PLXNA4: variants seen among roughly 807,000 people sequenced by gnomAD.
PLXNA4 encodes plexin A4.
A neutral mutation model predicts 191.8 loss-of-function variants in PLXNA4; 44 were observed. The ratio of observed to expected loss-of-function variants is 0.23; its 90% CI spans 0.18 to 0.29. The LOEUF (loss-of-function observed/expected upper bound fraction) is 0.29. Among genes scored for constraint, PLXNA4 ranks in the 10% least tolerant of loss-of-function variants. PLXNA4 has a pLI of 1.00. For synonymous variants in PLXNA4, 1,082 were observed against 1,009.5 expected (o/e 1.07, Z -1.36); for missense variants, 1,800 against 2,488.8 (o/e 0.72, Z 5.89).
chr7:132,282,318 A>G (rs1204239759), intron 4 of PLXNA4, among the ~76,000 whole-genome samples: 2 of 152,174 alleles, frequency 1.3e-5, no homozygotes, highest in African/African-American at 4.8e-5. Context: ...CACGCCTGCA[A>G]TCCCAGCACT....
intron 3 of PLXNA4, among the ~76,000 whole-genome samples, chr7:132,481,086 G>A (rs1797316603): frequency 6.6e-6 from 1 of 152,142 alleles, no homozygotes; most frequent in East Asian, 1.9e-4. Flanking sequence ...TGACAAGGGT[G>A]AGAGGATTAG....
At chr7:132,343,754 A>G (rs1249716747) in intron 3 of PLXNA4, among the ~76,000 whole-genome samples, 4 of 152,164 alleles carry the variant, frequency 2.6e-5, no homozygotes, top group African/African-American at 9.7e-5. Flanking sequence ...TCCCATCTCT[A>G]CAGAATACAA....
At chr7:132,379,946 T>C (rs1804820219) in intron 3 of PLXNA4, among the ~76,000 whole-genome samples, 1 of 152,214 alleles carries the variant, frequency 6.6e-6, no homozygotes, top group African/African-American at 2.4e-5. Flanking sequence ...GTTCTTGGGC[T>C]TCATATGTTC....
intron 1 of PLXNA4, among the ~76,000 whole-genome samples, chr7:132,529,699 G>T (rs945503478): frequency 6.7e-6 from 1 of 149,814 alleles, no homozygotes. Flanking sequence ...TCCACCTCCT[G>T]GGTCCATGTC....
rs553014762 is a variant in PLXNA4 at position 132,185,220 on chromosome 7, A to G, written c.3158+79T>C. On this transcript the variant is annotated intron_variant, in intron 16 of 31. Coordinates refer to ENST00000321063, the MANE Select transcript of PLXNA4 (RefSeq NM_020911.2). ...CCCCCAAGCAGGACTGGGCCCCCAG[A>G]ACTCTCCTTGGCTTTCAAGAGTCAG... 1.6e-5 allele frequency: 24 copies of G among 1,518,502 alleles called. No individual in the cohort carries two copies. In the Admixed American group the frequency reaches 4.8e-4, roughly 30 times the overall value. 94.1% of individuals were successfully genotyped at this position (1,518,502 alleles called of 1,614,324 possible).
chr7:132,222,950 G>C (rs1798195593), intron 9 of PLXNA4, among the ~76,000 whole-genome samples: 1 of 152,218 alleles, frequency 6.6e-6, no homozygotes, highest in Non-Finnish European at 1.5e-5. Context: ...TGCCCCCGGA[G>C]CTTCTCATTC....
intron 4 of PLXNA4, among the ~76,000 whole-genome samples, chr7:132,250,011 G>A (rs1350474215): frequency 6.6e-6 from 1 of 152,208 alleles, no homozygotes; most frequent in Non-Finnish European, 1.5e-5. Context: ...AATAGAGTTT[G>A]AAATAGTTTT....
At chr7:132,512,909 A>T (rs1325392089) in intron 1 of PLXNA4, among the ~76,000 whole-genome samples, 2 of 152,224 alleles carry the variant, frequency 1.3e-5, no homozygotes, top group Admixed American at 1.3e-4. Context: ...TAGAAATTAC[A>T]TTCAGCCCAA....
At position 132,489,438 on chromosome 7, in the gene PLXNA4, T is replaced by A; in HGVS notation, c.1225A>T (p.Met409Leu). The A allele has an allele frequency of 6.3e-7, 1 of 1,585,108 alleles. No homozygotes were observed. The highest frequency in any genetic ancestry group is 8.7e-7 in the Non-Finnish European group (1 of 1,156,004). Residue 409 changes from methionine (M) to leucine (L), a missense_variant, in exon 3 of 32, where the codon ATG (methionine) becomes TTG (leucine). By Grantham distance (15) the Met-to-Leu change is conservative (BLOSUM62 2). Coordinates refer to ENST00000321063, the MANE Select transcript of PLXNA4 (RefSeq NM_020911.2). ...TCGGACACTCCCAGGGGAGCATTCA[T>A]GTCCAGGCCACAGAAGTTATCGTCA... Reference protein sequence around the residue: ...TIDDNFCGLDMNAPLGVSDMV... With the variant: ...TIDDNFCGLDLNAPLGVSDMV...
intron 2 of PLXNA4, among the ~76,000 whole-genome samples, chr7:132,598,698 GAC>G (rs1354851849): frequency 2.7e-5 from 4 of 150,304 alleles, no homozygotes; most frequent in Non-Finnish European, 4.4e-5. Context: ...GTCAGTTTTA[GAC>G]ACAGTAAACT....
chr7:132,611,646 G>T (rs371438653), intron 2 of PLXNA4, among the ~76,000 whole-genome samples: 8 of 152,306 alleles, frequency 5.3e-5, no homozygotes, highest in African/African-American at 1.9e-4. Context: ...TCTCCCCATA[G>T]GTAGAGTCTG....
chr7:132,295,699 G>T (rs1801050724), intron 4 of PLXNA4, among the ~76,000 whole-genome samples: 1 of 152,142 alleles, frequency 6.6e-6, no homozygotes, highest in South Asian at 2.1e-4. Context: ...CACCTGGGCT[G>T]CTGTGCTCCA....
intron 14 of PLXNA4, among the ~76,000 whole-genome samples, chr7:132,188,978 G>GA (rs1360427718): frequency 1.9e-5 from 1 of 51,668 alleles, no homozygotes; most frequent in African/African-American, 1.1e-4. Flanking sequence ...GGAAAGGAAA[G>GA]GAAAGGAAAG....
At chr7:132,520,687 G>A (rs1256167076) in intron 1 of PLXNA4, among the ~76,000 whole-genome samples, 3 of 152,132 alleles carry the variant, frequency 2.0e-5, no homozygotes, top group African/African-American at 4.8e-5. Context: ...AAACCAAGCC[G>A]AGAGTCCATA....
chr7:132,321,276 C>T (rs1337813501), intron 3 of PLXNA4, among the ~76,000 whole-genome samples: 2 of 152,064 alleles, frequency 1.3e-5, no homozygotes, highest in African/African-American at 2.4e-5. Flanking sequence ...TTTCTGTCTG[C>T]CAAGCTGCTG....
chr7:132,296,528 C>G (rs577771105), intron 4 of PLXNA4, among the ~76,000 whole-genome samples: 216 of 151,928 alleles, frequency 1.4e-3, no homozygotes, highest in African/African-American at 5.0e-3. Flanking sequence ...CTGCCTTGGC[C>G]TCCCGAGCAG....
rs756690934 is a variant in PLXNA4, at chr7:132,390,968, G to A, written c.1372-92746C>T. Among the ~76,000 whole-genome samples, 7 of 152,178 alleles carry A rather than the reference G, an allele frequency of 4.6e-5. 1 individual carries two copies. Among genetic ancestry groups the A allele is most frequent in the Admixed American group, 4.6e-4 (7 of 15,276 alleles). The stretch of plus-strand genomic sequence containing the variant: ...GAGAAGGCAGTGGATGGGAAGGAAC[G>A]CAGAGGGCAAACTCTAGTTACTTCT... On this transcript the variant is annotated intron_variant, in intron 3 of 31. Coordinates refer to ENST00000321063, the MANE Select transcript of PLXNA4 (RefSeq NM_020911.2).
intron 1 of PLXNA4, among the ~76,000 whole-genome samples, chr7:132,572,241 C>T (rs1476185493): frequency 6.6e-6 from 1 of 152,176 alleles, no homozygotes; most frequent in Non-Finnish European, 1.5e-5. Flanking sequence ...CTTTAACCTC[C>T]TGCATCTCAG....
intron 16 of PLXNA4, 89 bp from the exon 17 acceptor site, chr7:132,182,279 G>T: frequency 6.4e-7 from 1 of 1,552,902 alleles, no homozygotes; most frequent in South Asian, 1.2e-5. Flanking sequence ...ATGACAATAA[G>T]GACAGTGATA....
Sources: allele counts gnomAD v4.1 joint callset (sites outside exome capture counted in the v4.1 genomes callset), GRCh38; gene constraint gnomAD v4.1.1; transcripts MANE v1.5; gene names NCBI Gene and HGNC (gene_info 2026-07-23, HGNC 2026-07-21).